The following DYRK1A variants were observed in gnomAD, a reference collection of about 807,000 sequenced individuals.
The protein encoded by DYRK1A is dual specificity tyrosine-phosphorylation-regulated kinase 1A.
DYRK1A carries 9 observed loss-of-function variants against 79.7 expected under a neutral mutation model. That is an observed-to-expected ratio of 0.11 (90% CI 0.07 to 0.20). DYRK1A has a LOEUF of 0.20. DYRK1A is among the 10% of genes least tolerant of loss of function. The pLI is 1.00. For missense variants in DYRK1A, 622 were observed against 956.0 expected (o/e 0.65, Z 4.61); for synonymous variants, 349 against 329.7 (o/e 1.06, Z -0.63).
intron 1 of DYRK1A, among the ~76,000 whole-genome samples, chr21:37,389,008 A>G (rs2049817485): frequency 6.6e-6 from 1 of 150,536 alleles, no homozygotes; most frequent in African/African-American, 2.4e-5. Context: ...CCCAGGCTGG[A>G]GTGCAGTGGC....
chr21:37,430,546 A>C (rs1338111741), intron 2 of DYRK1A: 1 of 378,660 alleles, frequency 2.6e-6, no homozygotes, highest in Non-Finnish European at 3.6e-6. Flanking sequence ...GTCCTCTGTC[A>C]TCATTTTGCC....
chr21:37,494,040 C>T (rs921370327), intron 8 of DYRK1A, among the ~76,000 whole-genome samples: 41 of 147,056 alleles, frequency 2.8e-4, no homozygotes, highest in African/African-American at 1.0e-3. Context: ...TACAGGCAAG[C>T]GCCACTATGC....
chr21:37,478,775 T>C (rs187738003), intron 4 of DYRK1A, among the ~76,000 whole-genome samples: 1 of 152,388 alleles, frequency 6.6e-6, no homozygotes, highest in Non-Finnish European at 1.5e-5. Flanking sequence ...TCTATATTTC[T>C]GTGATTTTAT....
At chr21:37,481,908 A>G (rs2052656376) in intron 5 of DYRK1A, among the ~76,000 whole-genome samples, 1 of 151,888 alleles carries the variant, frequency 6.6e-6, no homozygotes, top group South Asian at 2.1e-4. Context: ...CCCAGTTGTA[A>G]GTCCTTCTAT....
At chr21:37,483,417 G>A (rs1224077836) in intron 5 of DYRK1A, among the ~76,000 whole-genome samples, 1 of 152,208 alleles carries the variant, frequency 6.6e-6, no homozygotes, top group African/African-American at 2.4e-5. Flanking sequence ...TCACTCCAGT[G>A]TGGCCCTACC....
At chr21:37,481,724 G>A (rs767147420) in intron 5 of DYRK1A, 2 of 151,970 alleles carry the variant, frequency 1.3e-5, no homozygotes, top group Non-Finnish European at 2.9e-5. Context: ...TATTTTTTCG[G>A]GTCAGGCGTG....
At chr21:37,390,133 G>A (rs960438924) in intron 1 of DYRK1A, among the ~76,000 whole-genome samples, 6 of 151,842 alleles carry the variant, frequency 4.0e-5, no homozygotes, top group African/African-American at 1.5e-4. Context: ...ATTTTCTGTT[G>A]TGCTTGATAC....
At chr21:37,396,528 G>T (rs77459532) in intron 1 of DYRK1A, among the ~76,000 whole-genome samples, 21 of 146,114 alleles carry the variant, frequency 1.4e-4, no homozygotes, top group East Asian at 8.0e-4. Context: ...AAGTTTTTTT[G>T]TTTTTTTTTT....
rs1021601105 is a variant in DYRK1A, at chr21:37,515,942, C to G, written c.*3411C>G. The G allele has an allele frequency of 2.6e-5, 4 of 152,100 alleles. No homozygotes were observed. Among genetic ancestry groups the G allele is most frequent in the Admixed American group, 2.6e-4 (4 of 15,270 alleles). The allele number at this position is 152,100 out of a possible 1,614,324, so 9.4% of individuals were successfully genotyped here. A position where few individuals can be genotyped will look rare whatever the true frequency, so the allele number is the denominator to read the frequency against. ...ATTGAGTTTGCCCCTGTACTGCTTC[C>G]CAGCTTTTGTGGTGTTGAACTTTTC... On this transcript the variant is annotated 3_prime_UTR_variant, in exon 12 of 12. Coordinates refer to ENST00000647188, the MANE Select transcript of DYRK1A (RefSeq NM_001347721.2).
In DYRK1A at chr21:37,478,168, C is replaced by G. The variant is rs140466090; in HGVS notation, c.208-40C>G. 3.9e-3 allele frequency: 6,286 copies of G among 1,610,834 alleles called. 23 individuals carry two copies. The highest frequency in any genetic ancestry group is 5.0e-3 in the Middle Eastern group (30 of 6,042). ...CTTATAGTTAAAGTGCTAGTCTTTTCTGTCTATTTAAGGTGATGCCTGATA... is the reference window on the plus strand; with the variant it reads ...CTTATAGTTAAAGTGCTAGTCTTTTGTGTCTATTTAAGGTGATGCCTGATA... On this transcript the variant is annotated intron_variant, in intron 3 of 11. Transcript: ENST00000647188.
chr21:37,448,448 A>G (rs2051340661), intron 2 of DYRK1A, among the ~76,000 whole-genome samples: 1 of 152,214 alleles, frequency 6.6e-6, no homozygotes, highest in Non-Finnish European at 1.5e-5. Flanking sequence ...TCTAGAGGTC[A>G]GGAGATCATC....
intron 11 of DYRK1A, chr21:37,506,478 A>C: frequency 1.7e-5 from 19 of 1,118,418 alleles, no homozygotes; most frequent in Non-Finnish European, 2.1e-5. Flanking sequence ...TGTTTATCTC[A>C]TTTACCAAAG....
intron 1 of DYRK1A, among the ~76,000 whole-genome samples, chr21:37,369,466 C>T (rs1379628706): frequency 6.6e-6 from 1 of 152,104 alleles, no homozygotes; most frequent in Middle Eastern, 3.2e-3. Context: ...GAGGATTTTC[C>T]CTGGTATAGC....
intron 1 of DYRK1A, among the ~76,000 whole-genome samples, chr21:37,418,366 G>A (rs2050398506): frequency 6.6e-6 from 1 of 152,152 alleles, no homozygotes; most frequent in Admixed American, 6.5e-5. Flanking sequence ...AAATTTTGAT[G>A]TGTCTTACCT....
intron 1 of DYRK1A, among the ~76,000 whole-genome samples, chr21:37,402,523 T>C (rs1013554777): frequency 2.6e-5 from 4 of 152,214 alleles, no homozygotes; most frequent in African/African-American, 9.6e-5. Flanking sequence ...TCTGGCTGCT[T>C]TCAAGATTTT....
intron 2 of DYRK1A, among the ~76,000 whole-genome samples, chr21:37,425,057 C>G (rs1484341298): frequency 1.3e-5 from 2 of 152,096 alleles, no homozygotes; most frequent in Non-Finnish European, 2.9e-5. Flanking sequence ...ACAGCCACTC[C>G]CCTTTTCCTA....
chr21:37,412,704 A>C (rs747102666), intron 1 of DYRK1A, among the ~76,000 whole-genome samples: 1 of 152,196 alleles, frequency 6.6e-6, no homozygotes, highest in Non-Finnish European at 1.5e-5. Context: ...GACCATTTAG[A>C]TAAAGTCAGC....
chr21:37,473,153 G>A lies in DYRK1A; in HGVS notation c.207+273G>A, dbSNP rs16995170. Among the ~76,000 whole-genome samples the A allele has an allele frequency of 0.054, 7,988 of 149,230 alleles. 740 individuals are homozygous for A. Among genetic ancestry groups the A allele is most frequent in the African/African-American group, 0.19 (7,465 of 38,830 alleles). ...TTTCTGAAGAATATTAAAGGATCTT[G>A]AAGAAAAAGCTTATTTTTATGGAAA... On this transcript the variant is annotated intron_variant, in intron 3 of 11. Coordinates refer to ENST00000647188, the MANE Select transcript of DYRK1A (RefSeq NM_001347721.2).
chr21:37,446,136 AC>A (rs1291922522), intron 2 of DYRK1A, among the ~76,000 whole-genome samples: 1 of 152,150 alleles, frequency 6.6e-6, no homozygotes, highest in Non-Finnish European at 1.5e-5. Flanking sequence ...CTTGTTAGTG[AC>A]CCACACCTGC....
Sources: gnomAD v4.1 joint callset for allele counts (sites outside exome capture counted in the v4.1 genomes callset) on GRCh38, gnomAD v4.1.1 for gene constraint, MANE v1.5 for transcripts, NCBI Gene and HGNC (gene_info 2026-07-23, HGNC 2026-07-21) for gene names.